The following CHMP4B variants were observed in gnomAD, a reference collection of about 807,000 sequenced individuals.
CHMP4B encodes charged multivesicular body protein 4B.
A neutral mutation model predicts 25.1 loss-of-function variants in CHMP4B; 1 was observed. The observed-to-expected ratio is 0.04, with a 90% confidence interval of 0.01 to 0.19. The LOEUF is 0.19. Ranked by LOEUF, CHMP4B falls within the 10% of genes least tolerant of loss-of-function variation. The pLI is 1.00. For missense variants in CHMP4B, 151 were observed against 289.7 expected (o/e 0.52, Z 3.48); for synonymous variants, 101 against 115.6 (o/e 0.87, Z 0.81).
At chr20:33,833,815 G>A (rs779278535) in intron 1 of CHMP4B, among the ~76,000 whole-genome samples, 28 of 152,170 alleles carry the variant, frequency 1.8e-4, no homozygotes, top group Non-Finnish European at 4.0e-4. Context: ...CACAGTAAGT[G>A]TCCTGTGCTG....
At chr20:33,820,955 G>A (rs1978922901) in intron 1 of CHMP4B, among the ~76,000 whole-genome samples, 1 of 152,304 alleles carries the variant, frequency 6.6e-6, no homozygotes, top group South Asian at 2.1e-4. Context: ...TTAGAGTATA[G>A]TTTATTCTGA....
At chr20:33,823,984 C>T (rs1979018048) in intron 1 of CHMP4B, among the ~76,000 whole-genome samples, 1 of 152,154 alleles carries the variant, frequency 6.6e-6, no homozygotes, top group South Asian at 2.1e-4. Flanking sequence ...CCCCAGATTG[C>T]TATAATCCTT....
At chr20:33,851,443 AG>A (rs1979844077) in intron 3 of CHMP4B, among the ~76,000 whole-genome samples, 1 of 151,922 alleles carries the variant, frequency 6.6e-6, no homozygotes, top group Admixed American at 6.6e-5. Flanking sequence ...TAGAGCAAAG[AG>A]GGGGCACTTA....
chr20:33,842,657 C>G (rs577387090), intron 1 of CHMP4B, among the ~76,000 whole-genome samples: 1 of 152,262 alleles, frequency 6.6e-6, no homozygotes, highest in African/African-American at 2.4e-5. Context: ...CTCAGGACCT[C>G]AGGAGTGTGT....
At chr20:33,838,600 A>T (rs964183759) in intron 1 of CHMP4B, among the ~76,000 whole-genome samples, 1 of 152,236 alleles carries the variant, frequency 6.6e-6, no homozygotes, top group Non-Finnish European at 1.5e-5. Context: ...TGTGGGCTGC[A>T]TGGGTGCTCA....
chr20:33,815,253 G>A (rs1568604505), intron 1 of CHMP4B, among the ~76,000 whole-genome samples: 1 of 152,184 alleles, frequency 6.6e-6, no homozygotes, highest in Non-Finnish European at 1.5e-5. Flanking sequence ...CCTGCCATAT[G>A]GTAAGTGACC....
intron 1 of CHMP4B, among the ~76,000 whole-genome samples, chr20:33,843,413 C>G (rs1979597965): frequency 6.6e-6 from 1 of 152,154 alleles, no homozygotes; most frequent in Admixed American, 6.5e-5. Flanking sequence ...ATTGTTAAAG[C>G]CATTGTGTTT....
chr20:33,845,048 C>T (rs544680928), intron 1 of CHMP4B, among the ~76,000 whole-genome samples: 18 of 152,184 alleles, frequency 1.2e-4, no homozygotes, highest in Admixed American at 5.2e-4. Context: ...TGTGAGCCAC[C>T]GCGCCCGGCC....
intron 1 of CHMP4B, among the ~76,000 whole-genome samples, chr20:33,846,184 T>C (rs1325517793): frequency 6.6e-6 from 1 of 152,156 alleles, no homozygotes; most frequent in Admixed American, 6.5e-5. Context: ...TGGGGTTCCA[T>C]ACCTGGTTTA....
At position 33,838,218 on chromosome 20, in the gene CHMP4B, T is replaced by G. The variant is rs182239558; in HGVS notation, c.191-10249T>G. ...TGACATCAGTTGCCTATCTTTAACT[T>G]GAACACAGCCTTAACTGCCTGAAGG... On this transcript the variant is annotated intron_variant, in intron 1 of 4. Transcript: ENST00000217402. Among the ~76,000 whole-genome samples the G allele has an allele frequency of 2.4e-3, 367 of 152,344 alleles. 13 individuals are homozygous for G. Among genetic ancestry groups the G allele is most frequent in the Admixed American group, 0.024 (366 of 15,300 alleles).
chr20:33,843,305 A>G (rs974160705), intron 1 of CHMP4B, among the ~76,000 whole-genome samples: 2 of 152,180 alleles, frequency 1.3e-5, no homozygotes, highest in Admixed American at 6.5e-5. Flanking sequence ...ACTCTCTTGG[A>G]ACTGGCAAAG....
intron 1 of CHMP4B, among the ~76,000 whole-genome samples, chr20:33,830,755 A>T (rs1979216519): frequency 1.3e-5 from 2 of 151,970 alleles, no homozygotes; most frequent in South Asian, 4.2e-4. Flanking sequence ...TTCTGGGGGG[A>T]TACAGGTCAG....
intron 4 of CHMP4B, among the ~76,000 whole-genome samples, chr20:33,852,612 G>A (rs915316036): frequency 6.6e-6 from 1 of 152,188 alleles, no homozygotes; most frequent in Non-Finnish European, 1.5e-5. Context: ...CCCTTGGTAG[G>A]GGTTGGGAGG....
intron 1 of CHMP4B, among the ~76,000 whole-genome samples, chr20:33,826,766 A>G (rs1352567531): frequency 6.6e-6 from 1 of 152,164 alleles, no homozygotes; most frequent in Non-Finnish European, 1.5e-5. Context: ...CTGTTTTCAG[A>G]GTATCTCAGG....
At chr20:33,846,865 CAG>C (rs1269694156) in intron 1 of CHMP4B, among the ~76,000 whole-genome samples, 1 of 152,212 alleles carries the variant, frequency 6.6e-6, no homozygotes, top group East Asian at 1.9e-4. Context: ...TTTCTTCTGA[CAG>C]AGTCTGTGCT....
chr20:33,811,672 G>T lies in CHMP4B; in HGVS notation c.190+14G>T. On this transcript the variant is annotated intron_variant, in intron 1 of 4. Coordinates refer to ENST00000217402, the MANE Select transcript of CHMP4B (RefSeq NM_176812.5). ...AAAACAAGCGCGGTGAGGCTGCCCG[G>T]CCCCTTCAGACTTGCCACGGGCTCC... 1 of 1,611,210 alleles carries T rather than the reference G, an allele frequency of 6.2e-7. No homozygotes were observed. The highest frequency in any genetic ancestry group is 8.5e-7 in the Non-Finnish European group (1 of 1,179,122).
At chr20:33,818,464 T>C (rs1297672020) in intron 1 of CHMP4B, among the ~76,000 whole-genome samples, 3 of 152,230 alleles carry the variant, frequency 2.0e-5, no homozygotes, top group African/African-American at 7.2e-5. Flanking sequence ...GGATTTATAT[T>C]AGGTGCCCTA....
Position 33,811,455 on chromosome 20 carries a change from G to A in CHMP4B, c.-14G>A, listed in dbSNP as rs769418909. 6 of 1,507,194 alleles carry A rather than the reference G, an allele frequency of 4.0e-6. No individual in the cohort carries two copies. The highest frequency in any genetic ancestry group is 3.8e-5 in the South Asian group (3 of 78,882). The allele number at this position is 1,507,194 out of a possible 1,614,324, so 93.4% of individuals were successfully genotyped here. On this transcript the variant is annotated 5_prime_UTR_variant, in exon 1 of 5. Coordinates refer to ENST00000217402, the MANE Select transcript of CHMP4B (RefSeq NM_176812.5). ...CGGAGCGGGCGGCGAAGGCCGGCGC[G>A]GCGAGCAGCAACCATGTCGGTGTTC...
At chr20:33,838,507 T>G (rs1175277106) in intron 1 of CHMP4B, among the ~76,000 whole-genome samples, 1 of 152,118 alleles carries the variant, frequency 6.6e-6, no homozygotes. Context: ...AAGCCAAAAA[T>G]CTGGATTTTT....
Sources: allele counts gnomAD v4.1 joint callset (sites outside exome capture counted in the v4.1 genomes callset), GRCh38; gene constraint gnomAD v4.1.1; transcripts MANE v1.5; gene names NCBI Gene and HGNC (gene_info 2026-07-23, HGNC 2026-07-21).